The following MAPK8 variants were observed in gnomAD, a reference collection of about 807,000 sequenced individuals.
MAPK8 encodes the protein mitogen-activated protein kinase 8.
In MAPK8, 13 loss-of-function variants were observed where a neutral mutation model predicts 52.9. The ratio of observed to expected loss-of-function variants is 0.25; its 90% CI spans 0.16 to 0.39. MAPK8 has a LOEUF of 0.39. MAPK8 is among the 10% of genes least tolerant of loss of function. The pLI is 1.00. For synonymous variants in MAPK8, 191 were observed against 169.8 expected (o/e 1.12, Z -0.97); for missense variants, 300 against 519.2 (o/e 0.58, Z 4.10).
In MAPK8 at chr10:48,347,512, A is replaced by G. The variant is rs143685988; in HGVS notation, c.-50+40691A>G. Among the ~76,000 whole-genome samples, 145 of 152,256 alleles carry G rather than the reference A, an allele frequency of 9.5e-4. 1 individual carries two copies. Among genetic ancestry groups the G allele is most frequent in the African/African-American group, 3.2e-3 (135 of 41,558 alleles). On this transcript the variant is annotated intron_variant, in intron 1 of 11. Transcript: ENST00000374189. ...TGCTGCACCCATCATCCCGTCATCT[A>G]CATTAGGTATTTCTCCTAATGCTAT...
intron 5 of MAPK8, 117 bp downstream of exon 5, chr10:48,410,285 C>G (rs903554559): frequency 2.7e-6 from 2 of 737,188 alleles, no homozygotes; most frequent in African/African-American, 3.6e-5. Context: ...TGTACAACTA[C>G]CACCCATATT....
chr10:48,374,997 C>T (rs575150584), intron 1 of MAPK8, among the ~76,000 whole-genome samples: 87 of 152,274 alleles, frequency 5.7e-4, no homozygotes, highest in Admixed American at 2.4e-3. Flanking sequence ...CAATAAAATA[C>T]CGGCAAACCA....
intron 1 of MAPK8, among the ~76,000 whole-genome samples, chr10:48,385,975 TC>T (rs1317894338): frequency 6.6e-6 from 1 of 152,120 alleles, no homozygotes; most frequent in Non-Finnish European, 1.5e-5. Context: ...TAAAAAAAAA[TC>T]TGATCATAAT....
chr10:48,314,932 C>T (rs1842351077), intron 1 of MAPK8, among the ~76,000 whole-genome samples: 1 of 152,222 alleles, frequency 6.6e-6, no homozygotes, highest in Non-Finnish European at 1.5e-5. Flanking sequence ...TGTCCCTACA[C>T]CATTTATTAA....
intron 1 of MAPK8, among the ~76,000 whole-genome samples, chr10:48,367,679 G>A (rs530546920): frequency 2.0e-5 from 3 of 152,124 alleles, no homozygotes; most frequent in East Asian, 3.9e-4. Flanking sequence ...TTGATGTTTC[G>A]TAGTTGACAG....
intron 1 of MAPK8, among the ~76,000 whole-genome samples, chr10:48,314,404 G>T (rs1842296637): frequency 6.6e-6 from 1 of 152,158 alleles, no homozygotes; most frequent in South Asian, 2.1e-4. Flanking sequence ...GAGGGACACA[G>T]ACAGTCCATA....
In MAPK8 at chr10:48,367,252, G is replaced by C. The variant is rs534831452; in HGVS notation, c.-49-34360G>C. On this transcript the variant is annotated intron_variant, in intron 1 of 11. Coordinates refer to ENST00000374189, the MANE Select transcript of MAPK8 (RefSeq NM_001323329.2). ...TTGGTGGTACACGCCTGTAGTCCTAGCTATTCAGGAGGCTGAGATGGGAGG... is the reference window on the plus strand; with the variant it reads ...TTGGTGGTACACGCCTGTAGTCCTACCTATTCAGGAGGCTGAGATGGGAGG... Among the ~76,000 whole-genome samples the C allele has an allele frequency of 1.1e-4, 17 of 152,182 alleles. No homozygotes were observed. In the East Asian group the frequency reaches 2.9e-3, roughly 26 times the overall value.
At chr10:48,328,790 A>G (rs947097113) in intron 1 of MAPK8, among the ~76,000 whole-genome samples, 3 of 152,262 alleles carry the variant, frequency 2.0e-5, no homozygotes, top group African/African-American at 7.2e-5. Context: ...AACTGTATCC[A>G]GCCAAACTCT....
In MAPK8 at chr10:48,436,691, A is replaced by C. The variant is rs2044875316; in HGVS notation, c.*1662A>C. 1 of 152,234 alleles carries C rather than the reference A, an allele frequency of 6.6e-6. No homozygotes were observed. Among genetic ancestry groups the C allele is most frequent in the Non-Finnish European group, 1.5e-5 (1 of 68,044 alleles). The allele number at this position is 152,234 out of a possible 1,614,324, so 9.4% of individuals were successfully genotyped here. ...AGTGAGATATTTTACATCACTGTTA[A>C]TGTGCAATATTTAAGATTAAAATAC... is the stretch of plus-strand genomic sequence containing the variant. On this transcript the variant is annotated 3_prime_UTR_variant, in exon 12 of 12. Coordinates refer to ENST00000374189, the MANE Select transcript of MAPK8 (RefSeq NM_001323329.2).
At chr10:48,431,127 C>A (rs1338824643) in intron 10 of MAPK8, 66 bp from the exon 11 acceptor site, 2 of 971,176 alleles carry the variant, frequency 2.1e-6, no homozygotes, top group African/African-American at 1.6e-5. Flanking sequence ...CCACTTAAAC[C>A]ATACATGCGT....
chr10:48,361,661 C>G (rs1370835215), intron 1 of MAPK8, among the ~76,000 whole-genome samples: 1 of 152,148 alleles, frequency 6.6e-6, no homozygotes, highest in Non-Finnish European at 1.5e-5. Context: ...TTATACTTCT[C>G]TAAGTTTTCC....
intron 2 of MAPK8, among the ~76,000 whole-genome samples, chr10:48,403,033 A>T (rs959678025): frequency 6.6e-6 from 1 of 152,238 alleles, no homozygotes; most frequent in Non-Finnish European, 1.5e-5. Flanking sequence ...AAGCAGTACC[A>T]TATATTTATG....
chr10:48,306,867 T>C (rs1475517888), intron 1 of MAPK8, 46 bp downstream of exon 1: 2 of 151,686 alleles, frequency 1.3e-5, no homozygotes, highest in East Asian at 3.9e-4. Flanking sequence ...GGCGGCCCCG[T>C]CGTGTTTATG....
chr10:48,339,504 T>C (rs547292765), intron 1 of MAPK8, among the ~76,000 whole-genome samples: 140 of 151,950 alleles, frequency 9.2e-4, no homozygotes, highest in African/African-American at 3.4e-3. Context: ...TAGGAAAATA[T>C]CTTTTGAACA....
At chr10:48,434,857 T>G in intron 11 of MAPK8, 27 bp from the exon 12 acceptor site, 1 of 1,584,352 alleles carries the variant, frequency 6.3e-7, no homozygotes, top group African/African-American at 1.4e-5. Flanking sequence ...CTGCAACTGA[T>G]TTGCTGTTTT....
intron 1 of MAPK8, among the ~76,000 whole-genome samples, chr10:48,360,950 A>G (rs571945415): frequency 7.2e-5 from 11 of 152,314 alleles, no homozygotes; most frequent in African/African-American, 2.4e-4. Context: ...GTGTGTGTAT[A>G]TACAGAATAC....
At chr10:48,327,228 T>A (rs1162438890) in intron 1 of MAPK8, among the ~76,000 whole-genome samples, 1 of 152,170 alleles carries the variant, frequency 6.6e-6, no homozygotes, top group Non-Finnish European at 1.5e-5. Context: ...TAGAGTAGAT[T>A]TTTTTAAAAA....
At chr10:48,421,479 T>C (rs945840869) in intron 6 of MAPK8, among the ~76,000 whole-genome samples, 1 of 152,218 alleles carries the variant, frequency 6.6e-6, no homozygotes. Flanking sequence ...GATAGCTCCC[T>C]GCCAGAAATT....
chr10:48,333,673 A>G (rs1411333429), intron 1 of MAPK8, among the ~76,000 whole-genome samples: 1 of 152,208 alleles, frequency 6.6e-6, no homozygotes, highest in African/African-American at 2.4e-5. Flanking sequence ...CAACAGGGAA[A>G]GAAGAAGGGG....
Sources: allele counts gnomAD v4.1 joint callset (sites outside exome capture counted in the v4.1 genomes callset), GRCh38; gene constraint gnomAD v4.1.1; transcripts MANE v1.5; gene names NCBI Gene and HGNC (gene_info 2026-07-23, HGNC 2026-07-21).